LINGO2: variants seen among roughly 807,000 people sequenced by gnomAD.
LINGO2 encodes leucine rich repeat and Ig domain containing 2.
A neutral mutation model predicts 30.6 loss-of-function variants in LINGO2; 14 were observed. The ratio of observed to expected loss-of-function variants is 0.46; its 90% CI spans 0.30 to 0.72. The LOEUF (loss-of-function observed/expected upper bound fraction) is 0.72. Among genes scored for constraint, LINGO2 ranks in the 30% least tolerant of loss-of-function variants. LINGO2 has a pLI of 0.07. For missense variants in LINGO2, 729 were observed against 751.7 expected (o/e 0.97, Z 0.35); for synonymous variants, 317 against 288.5 (o/e 1.10, Z -1.00).
chr9:29,002,924 G>A, the LINGO2 span, among the ~76,000 whole-genome samples: 5 of 151,940 alleles, frequency 3.3e-5, no homozygotes, highest in African/African-American at 9.7e-5. Context: ...TGGAAACTGT[G>A]GGTCTTTGAA....
At chr9:28,877,967 C>T in the LINGO2 span, among the ~76,000 whole-genome samples, 5,651 of 152,126 alleles carry the variant, frequency 0.037, 333 homozygotes, top group African/African-American at 0.12. Flanking sequence ...AGGTCCTTCA[C>T]GTCCCTTGAA....
At chr9:28,082,519 G>A (rs551504396) in intron 4 of LINGO2, among the ~76,000 whole-genome samples, 39 of 151,988 alleles carry the variant, frequency 2.6e-4, no homozygotes, top group Non-Finnish European at 5.3e-4. Context: ...TAAATTATGG[G>A]TATAACATTT....
At chr9:28,128,257 G>T (rs924731340) in intron 4 of LINGO2, among the ~76,000 whole-genome samples, 1 of 152,188 alleles carries the variant, frequency 6.6e-6, no homozygotes, top group African/African-American at 2.4e-5. Flanking sequence ...AAGAACCATT[G>T]TTTCCTGACT....
At chr9:28,613,802 T>C (rs1285816734) in intron 1 of LINGO2, among the ~76,000 whole-genome samples, 1 of 152,164 alleles carries the variant, frequency 6.6e-6, no homozygotes, top group African/African-American at 2.4e-5. Flanking sequence ...TTTGTTAATA[T>C]CAGAGATCAG....
chr9:28,013,834 AGAT>A lies in LINGO2; in HGVS notation c.-86-1432_-86-1430del, dbSNP rs575609253. On this transcript the variant is annotated intron_variant, in intron 4 of 5. Transcript: ENST00000379992. ...TATCCTCTTAGCACATGAAATTGGAAGATGATAGGGTTTTAACTAGTTGTCAGA... is the reference window on the plus strand; with the variant it reads ...TATCCTCTTAGCACATGAAATTGGAAGATAGGGTTTTAACTAGTTGTCAGA... Among the ~76,000 whole-genome samples the A allele has an allele frequency of 2.2e-4, 34 of 152,342 alleles. No individual in the cohort carries two copies. In the East Asian group the frequency reaches 5.2e-3, roughly 23 times the overall value.
rs1827173088 is a variant in LINGO2, at chr9:28,124,071, A to T, written c.-86-111666T>A. ...AAACACAACTCCCACAACAATGGAGATGTCATTTCAAGCTCACTTATTACT... is the reference window on the plus strand; with the variant it reads ...AAACACAACTCCCACAACAATGGAGTTGTCATTTCAAGCTCACTTATTACT... On this transcript the variant is annotated intron_variant, in intron 4 of 5. Coordinates refer to ENST00000379992, the Ensembl canonical transcript of LINGO2. Among the ~76,000 whole-genome samples the T allele has an allele frequency of 2.0e-5, 3 of 152,166 alleles. No homozygotes were observed. In the South Asian group the frequency reaches 6.2e-4, roughly 32 times the overall value.
At chr9:27,948,969 C>T (rs1823481151) in exon 6 of LINGO2, 1 of 1,613,952 alleles carries the variant, frequency 6.2e-7, no homozygotes, top group South Asian at 1.1e-5. Flanking sequence ...GCCTTTCCCT[C>T]GGCTCCACAC....
At chr9:29,211,972 A>G in the LINGO2 span, among the ~76,000 whole-genome samples, 5 of 152,230 alleles carry the variant, frequency 3.3e-5, no homozygotes, top group Admixed American at 3.3e-4. Context: ...CACCTTTTTT[A>G]GATACAGACC....
chr9:28,334,085 A>T (rs1255411858), intron 3 of LINGO2, among the ~76,000 whole-genome samples: 1 of 152,148 alleles, frequency 6.6e-6, no homozygotes, highest in Non-Finnish European at 1.5e-5. Context: ...TAAAAGCAGG[A>T]GCTGTTTCTG....
chr9:29,110,789 CA>C, the LINGO2 span, among the ~76,000 whole-genome samples: 1 of 152,016 alleles, frequency 6.6e-6, no homozygotes, highest in Non-Finnish European at 1.5e-5. Context: ...CTCCCGGGTT[CA>C]AGCAGTTCTC....
intron 1 of LINGO2, among the ~76,000 whole-genome samples, chr9:28,538,608 C>T (rs1287789233): frequency 6.6e-6 from 1 of 152,096 alleles, no homozygotes; most frequent in East Asian, 1.9e-4. Context: ...ATTTATTTCT[C>T]ACAGTTCCAG....
At chr9:28,644,112 G>C (rs1304927239) in intron 1 of LINGO2, among the ~76,000 whole-genome samples, 1 of 151,880 alleles carries the variant, frequency 6.6e-6, no homozygotes, top group Non-Finnish European at 1.5e-5. Context: ...AATCACTATG[G>C]ATAGTTTGGA....
the LINGO2 span, among the ~76,000 whole-genome samples, chr9:28,860,911 C>G: frequency 7.1e-5 from 10 of 140,060 alleles, no homozygotes; most frequent in Non-Finnish European, 4.5e-5. Context: ...AAGACTTAAG[C>G]TCTAGCCTTA....
chr9:29,019,365 T>G, the LINGO2 span, among the ~76,000 whole-genome samples: 1 of 152,336 alleles, frequency 6.6e-6, no homozygotes, highest in African/African-American at 2.4e-5. Context: ...ACTCTTGTTT[T>G]ATTTTTAGGA....
intron 2 of LINGO2, among the ~76,000 whole-genome samples, chr9:28,387,080 T>C (rs1468024400): frequency 1.3e-5 from 2 of 152,146 alleles, no homozygotes. Context: ...AACTTTTCTG[T>C]CTAGCTAAAG....
chr9:27,982,540 A>T (rs1820930030), intron 5 of LINGO2, among the ~76,000 whole-genome samples: 1 of 151,872 alleles, frequency 6.6e-6, no homozygotes, highest in African/African-American at 2.4e-5. Flanking sequence ...CTTAATAACC[A>T]TATATGGTAG....
chr9:28,764,722 T>A, the LINGO2 span, among the ~76,000 whole-genome samples: 2 of 151,938 alleles, frequency 1.3e-5, no homozygotes, highest in Non-Finnish European at 2.9e-5. Flanking sequence ...TCCCTGTTTG[T>A]GAATGACGTA....
chr9:28,125,485 G>C (rs1168802038), intron 4 of LINGO2, among the ~76,000 whole-genome samples: 1 of 152,168 alleles, frequency 6.6e-6, no homozygotes, highest in Non-Finnish European at 1.5e-5. Flanking sequence ...ATAAAGTATG[G>C]TAGAATTTTC....
chr9:28,276,281 C>T (rs1490452255), intron 4 of LINGO2, among the ~76,000 whole-genome samples: 2 of 152,164 alleles, frequency 1.3e-5, no homozygotes, highest in African/African-American at 4.8e-5. Flanking sequence ...AGTCAAAATG[C>T]TATGCACACG....
Sources: gnomAD v4.1 joint callset for allele counts (sites outside exome capture counted in the v4.1 genomes callset) on GRCh38, gnomAD v4.1.1 for gene constraint, MANE v1.5 for transcripts, NCBI Gene and HGNC (gene_info 2026-07-23, HGNC 2026-07-21) for gene names.